WDFY2: variants seen among roughly 807,000 people sequenced by gnomAD.
WDFY2 encodes WD repeat and FYVE domain containing 2.
Under a neutral mutation model 56.4 loss-of-function variants are expected in WDFY2, and 36 were observed. That is an observed-to-expected ratio of 0.64 (90% CI 0.49 to 0.84). WDFY2 has a LOEUF of 0.84. Among genes scored for constraint, WDFY2 ranks in the 40% least tolerant of loss-of-function variants. The pLI is 0.00. For missense variants in WDFY2, 444 were observed against 512.2 expected (o/e 0.87, Z 1.29); for synonymous variants, 176 against 183.7 (o/e 0.96, Z 0.34).
At chr13:51,635,866 TGGAA>T (rs1302457193) in intron 1 of WDFY2, among the ~76,000 whole-genome samples, 2 of 152,232 alleles carry the variant, frequency 1.3e-5, no homozygotes, top group African/African-American at 4.8e-5. Context: ...TTTCAACTAA[TGGAA>T]GGAAAACTGG....
intron 4 of WDFY2, among the ~76,000 whole-genome samples, chr13:51,710,238 C>G (rs1952180413): frequency 6.6e-6 from 1 of 152,158 alleles, no homozygotes; most frequent in African/African-American, 2.4e-5. Context: ...AATTCAGTAG[C>G]CCTTCATGCT....
intron 5 of WDFY2, among the ~76,000 whole-genome samples, chr13:51,720,909 A>G (rs1952472428): frequency 6.6e-6 from 1 of 151,898 alleles, no homozygotes; most frequent in African/African-American, 2.4e-5. Context: ...AGGTTTTGAC[A>G]TATGAATTTT....
At chr13:51,727,221 G>T (rs982207056) in intron 5 of WDFY2, among the ~76,000 whole-genome samples, 15 of 151,904 alleles carry the variant, frequency 9.9e-5, no homozygotes, top group African/African-American at 3.6e-4. Flanking sequence ...TTTATTTCTC[G>T]ACTTTGTATT....
At chr13:51,677,754 GGA>G (rs775613399) in intron 3 of WDFY2, among the ~76,000 whole-genome samples, 2 of 152,084 alleles carry the variant, frequency 1.3e-5, no homozygotes, top group Non-Finnish European at 2.9e-5. Context: ...ACAAAGAGCA[GGA>G]GAGAGAGTGT....
At chr13:51,588,812 G>C (rs1953992310) in intron 1 of WDFY2, 1 of 152,118 alleles carries the variant, frequency 6.6e-6, no homozygotes, top group Admixed American at 6.5e-5. Flanking sequence ...TCTGCAGGAG[G>C]AGTGACTCTG....
At chr13:51,739,335 G>A (rs1441666853) in intron 7 of WDFY2, among the ~76,000 whole-genome samples, 160 bp downstream of exon 7, 1 of 152,180 alleles carries the variant, frequency 6.6e-6, no homozygotes, top group African/African-American at 2.4e-5. Flanking sequence ...GTGTAAAACT[G>A]TGTTTATATA....
chr13:51,759,953 C>T lies in WDFY2; in HGVS notation c.*184C>T. ...GCCAGTGAGCACTCGCAAGGGGACT[C>T]TTCCAACTTGTTCATACAATATAAA... On this transcript the variant is annotated 3_prime_UTR_variant, in exon 12 of 12. Coordinates refer to ENST00000298125, the MANE Select transcript of WDFY2 (RefSeq NM_052950.4). 1 of 566,470 alleles carries T rather than the reference C, an allele frequency of 1.8e-6. No individual in the cohort carries two copies. Among genetic ancestry groups the T allele is most frequent in the Non-Finnish European group, 3.2e-6 (1 of 313,746 alleles). The allele number at this position is 566,470 out of a possible 1,614,324, so 35.1% of individuals were successfully genotyped here. A position where few individuals can be genotyped will look rare whatever the true frequency, so the allele number is the denominator to read the frequency against.
chr13:51,739,308 C>A, intron 7 of WDFY2, 133 bp downstream of exon 7: 1 of 1,065,246 alleles, frequency 9.4e-7, no homozygotes, highest in Non-Finnish European at 1.3e-6. Context: ...AAATACTGGC[C>A]ACTTTGATTT....
intron 1 of WDFY2, among the ~76,000 whole-genome samples, chr13:51,604,115 AT>A (rs1362749923): frequency 6.6e-6 from 1 of 152,032 alleles, no homozygotes; most frequent in African/African-American, 2.4e-5. Flanking sequence ...ATGCAAAAAC[AT>A]TTTTTTTAAA....
chr13:51,757,449 G>C (rs529905459), intron 10 of WDFY2, among the ~76,000 whole-genome samples: 2 of 137,308 alleles, frequency 1.5e-5, no homozygotes, highest in African/African-American at 5.4e-5. Flanking sequence ...TTTAGCTATA[G>C]AAAAAAGGAA....
At chr13:51,641,781 C>G (rs967074476) in intron 1 of WDFY2, among the ~76,000 whole-genome samples, 31 of 144,882 alleles carry the variant, frequency 2.1e-4, no homozygotes, top group African/African-American at 7.5e-4. Flanking sequence ...AGCCGAGATC[C>G]CGCCACTGCA....
rs1275249997 is a variant in WDFY2 at position 51,645,582 on chromosome 13, G to T, written c.138-15014G>T. ...CTATATAGATAGTGTTTTATTGTAG[G>T]CACGTTTCCACTGTGAATATAGTTC... On this transcript the variant is annotated intron_variant, in intron 1 of 11. Transcript: ENST00000298125. Among the ~76,000 whole-genome samples the T allele has an allele frequency of 3.3e-5, 5 of 152,104 alleles. No individual in the cohort carries two copies. In the East Asian group the frequency reaches 9.7e-4, roughly 29 times the overall value.
At chr13:51,722,595 A>G (rs768107589) in intron 5 of WDFY2, among the ~76,000 whole-genome samples, 3 of 152,242 alleles carry the variant, frequency 2.0e-5, no homozygotes, top group African/African-American at 4.8e-5. Context: ...TGTCAAAACA[A>G]TAATGTGAAG....
At chr13:51,679,956 G>A (rs573078496) in intron 3 of WDFY2, among the ~76,000 whole-genome samples, 3 of 151,824 alleles carry the variant, frequency 2.0e-5, no homozygotes, top group African/African-American at 4.8e-5. Flanking sequence ...ATGGAGTCTC[G>A]CTCTGTTGCC....
intron 6 of WDFY2, 81 bp from the exon 7 acceptor site, chr13:51,738,968 C>G: frequency 7.3e-7 from 1 of 1,365,490 alleles, no homozygotes; most frequent in South Asian, 2.2e-5. Flanking sequence ...GCACTAGGTT[C>G]TGTCTCCGCT....
chr13:51,672,263 T>C (rs911436366), intron 2 of WDFY2, among the ~76,000 whole-genome samples: 1 of 152,252 alleles, frequency 6.6e-6, no homozygotes, highest in African/African-American at 2.4e-5. Context: ...TTCTTCTACA[T>C]GTGGCTTGCC....
rs574212202 is a variant in WDFY2 at position 51,641,598 on chromosome 13, G to A, written c.138-18998G>A. 5.0e-3 allele frequency among the ~76,000 whole-genome samples: 750 copies of A among 150,482 alleles called. 5 individuals carry two copies. Among genetic ancestry groups the A allele is most frequent in the African/African-American group, 0.014 (589 of 41,246 alleles). ...TCCCAGCACTTTGGGAGGCCGAGGC[G>A]GGCGGATCACGAGGTCAGGAGATCG... is the stretch of plus-strand genomic sequence containing the variant. On this transcript the variant is annotated intron_variant, in intron 1 of 11. Transcript: ENST00000298125.
chr13:51,679,406 A>G (rs1955940985), intron 3 of WDFY2, among the ~76,000 whole-genome samples: 1 of 152,204 alleles, frequency 6.6e-6, no homozygotes, highest in African/African-American at 2.4e-5. Flanking sequence ...ATGGTCATTG[A>G]AGATTTTTTG....
intron 2 of WDFY2, 117 bp from the exon 3 acceptor site, chr13:51,675,053 A>G: frequency 1.2e-6 from 1 of 838,616 alleles, no homozygotes; most frequent in Non-Finnish European, 1.9e-6. Flanking sequence ...GTTAAATGAA[A>G]TGTTTTCCAG....
Sources: allele counts gnomAD v4.1 joint callset (sites outside exome capture counted in the v4.1 genomes callset), GRCh38; gene constraint gnomAD v4.1.1; transcripts MANE v1.5; gene names NCBI Gene and HGNC (gene_info 2026-07-23, HGNC 2026-07-21).